The following SEMA3D variants were observed in gnomAD, a reference collection of about 807,000 sequenced individuals.
The protein encoded by SEMA3D is semaphorin-3D.
A neutral mutation model predicts 100.1 loss-of-function variants in SEMA3D; 84 were observed. That is an observed-to-expected ratio of 0.84 (90% CI 0.70 to 1.01). SEMA3D has a LOEUF of 1.01. Among genes scored for constraint, SEMA3D ranks in the 50% least tolerant of loss-of-function variants. The pLI is 0.00. For synonymous variants in SEMA3D, 312 were observed against 320.7 expected (o/e 0.97, Z 0.29); for missense variants, 875 against 934.1 (o/e 0.94, Z 0.82).
chr7:85,177,259 C>T (rs932116374), intron 1 of SEMA3D, among the ~76,000 whole-genome samples: 10 of 152,046 alleles, frequency 6.6e-5, no homozygotes, highest in African/African-American at 2.4e-4. Context: ...TTGCTGGCCA[C>T]TCTATATTGT....
chr7:85,002,446 T>G (rs1334550933), intron 18 of SEMA3D, among the ~76,000 whole-genome samples: 1 of 152,204 alleles, frequency 6.6e-6, no homozygotes, highest in Non-Finnish European at 1.5e-5. Context: ...AATTTAGAGA[T>G]AAAAATCTGT....
intron 4 of SEMA3D, among the ~76,000 whole-genome samples, chr7:85,083,324 T>C (rs896448322): frequency 4.6e-5 from 7 of 152,054 alleles, no homozygotes; most frequent in Non-Finnish European, 1.0e-4. Flanking sequence ...AAGAGAATAA[T>C]GTAAGTTAGT....
intron 9 of SEMA3D, among the ~76,000 whole-genome samples, chr7:85,044,537 T>C (rs1790954201): frequency 6.6e-6 from 1 of 152,152 alleles, no homozygotes; most frequent in Non-Finnish European, 1.5e-5. Context: ...ATATTTCATG[T>C]AAGAACTAAA....
At chr7:85,049,749 G>A in intron 9 of SEMA3D, among the ~76,000 whole-genome samples, 1 of 151,758 alleles carries the variant, frequency 6.6e-6, no homozygotes, top group East Asian at 1.9e-4. Flanking sequence ...TGTCCAAATA[G>A]GACCATATAT....
chr7:85,079,766 C>T (rs1187280472), intron 5 of SEMA3D, among the ~76,000 whole-genome samples: 1 of 152,144 alleles, frequency 6.6e-6, no homozygotes, highest in African/African-American at 2.4e-5. Flanking sequence ...ATACTCAATA[C>T]TGGTGAAACA....
At chr7:85,031,998 A>G (rs1790564204) in intron 12 of SEMA3D, among the ~76,000 whole-genome samples, 1 of 151,976 alleles carries the variant, frequency 6.6e-6, no homozygotes, top group South Asian at 2.1e-4. Flanking sequence ...ATAAGTGCAT[A>G]TTACAGAATA....
At chr7:85,179,747 C>T (rs544445237) in intron 1 of SEMA3D, among the ~76,000 whole-genome samples, 10 of 151,910 alleles carry the variant, frequency 6.6e-5, no homozygotes, top group African/African-American at 1.7e-4. Flanking sequence ...CTGCAAGCTC[C>T]GCCTCCTGGG....
intron 3 of SEMA3D, among the ~76,000 whole-genome samples, chr7:85,104,813 T>C (rs1249543397): frequency 1.3e-5 from 2 of 150,176 alleles, no homozygotes; most frequent in East Asian, 2.0e-4. Flanking sequence ...AGAAAAAAAA[T>C]GCTTCCCACA....
intron 4 of SEMA3D, among the ~76,000 whole-genome samples, chr7:85,083,154 A>T (rs1273847308): frequency 6.6e-6 from 1 of 152,232 alleles, no homozygotes; most frequent in Non-Finnish European, 1.5e-5. Flanking sequence ...TAAAATGGTT[A>T]CATTTCAGGT....
chr7:85,042,513 A>G (rs1390882174), intron 9 of SEMA3D, among the ~76,000 whole-genome samples: 3 of 152,160 alleles, frequency 2.0e-5, no homozygotes, highest in African/African-American at 4.8e-5. Context: ...GTTCAGCTCT[A>G]TTGGATGAGT....
intron 5 of SEMA3D, among the ~76,000 whole-genome samples, chr7:85,078,399 G>A (rs779985159): frequency 6.6e-5 from 10 of 152,062 alleles, no homozygotes; most frequent in Admixed American, 3.9e-4. Flanking sequence ...CTGAAGTTCC[G>A]GAGGACGCTT....
intron 9 of SEMA3D, among the ~76,000 whole-genome samples, chr7:85,050,087 ACAC>A (rs1791120415): frequency 6.9e-6 from 1 of 145,392 alleles, no homozygotes; most frequent in Non-Finnish European, 1.5e-5. Context: ...ACACACACAC[ACAC>A]ACACACACAC....
chr7:85,118,048 A>G (rs1208194436), intron 3 of SEMA3D, among the ~76,000 whole-genome samples: 1 of 152,022 alleles, frequency 6.6e-6, no homozygotes, highest in Admixed American at 6.6e-5. Flanking sequence ...ATAAATTGAC[A>G]TGTAAAAACT....
intron 1 of SEMA3D, among the ~76,000 whole-genome samples, chr7:85,157,221 C>T (rs1432551957): frequency 6.6e-6 from 1 of 151,974 alleles, no homozygotes; most frequent in Non-Finnish European, 1.5e-5. Context: ...AAAGTCAATA[C>T]TAAAAATGTG....
At chr7:85,003,568 A>C (rs1442114330) in intron 18 of SEMA3D, among the ~76,000 whole-genome samples, 1 of 151,916 alleles carries the variant, frequency 6.6e-6, no homozygotes, top group Non-Finnish European at 1.5e-5. Context: ...TCAGAAAGTC[A>C]GAAATTGTCA....
the SEMA3D span, among the ~76,000 whole-genome samples, chr7:85,249,490 C>T: frequency 6.6e-6 from 1 of 152,174 alleles, no homozygotes; most frequent in African/African-American, 2.4e-5. Flanking sequence ...ACCAATTACA[C>T]CCAGTCTACC....
chr7:85,121,201 T>G (rs933240186), intron 3 of SEMA3D, among the ~76,000 whole-genome samples: 34 of 152,232 alleles, frequency 2.2e-4, no homozygotes, highest in Non-Finnish European at 7.3e-5. Context: ...ATAATTCATA[T>G]AAACTTTGCT....
intron 2 of SEMA3D, among the ~76,000 whole-genome samples, chr7:85,135,438 A>G (rs1789832153): frequency 6.6e-6 from 1 of 151,874 alleles, no homozygotes; most frequent in Admixed American, 6.6e-5. Context: ...TCTCACTCAT[A>G]GGTGGGAACT....
intron 2 of SEMA3D, among the ~76,000 whole-genome samples, chr7:85,126,459 A>C (rs1789574406): frequency 6.7e-6 from 1 of 150,266 alleles, no homozygotes; most frequent in Admixed American, 6.7e-5. Flanking sequence ...AGGGAAGGAA[A>C]GAACCCCTGA....
Sources: gnomAD v4.1 joint callset for allele counts (sites outside exome capture counted in the v4.1 genomes callset) on GRCh38, gnomAD v4.1.1 for gene constraint, MANE v1.5 for transcripts, NCBI Gene and HGNC (gene_info 2026-07-23, HGNC 2026-07-21) for gene names.